The following ZNF704 variants were observed in gnomAD, a reference collection of about 807,000 sequenced individuals.
The protein encoded by ZNF704 is glucocorticoid induced gene 1.
ZNF704 carries 10 observed loss-of-function variants against 44.7 expected under a neutral mutation model. That is an observed-to-expected ratio of 0.22 (90% confidence interval 0.14 to 0.38). The LOEUF (loss-of-function observed/expected upper bound fraction) is 0.38. ZNF704 is among the 10% of genes least tolerant of loss of function. ZNF704 has a pLI of 1.00. For synonymous variants in ZNF704, 211 were observed against 207.6 expected, an observed-to-expected ratio of 1.02 and a Z score of -0.14; for missense variants, 390 against 545.5, an observed-to-expected ratio of 0.71 and a Z score of 2.84.
At chr8:80,739,142 A>G (rs1397479275) in intron 2 of ZNF704, among the ~76,000 whole-genome samples, 2 of 152,228 alleles carry the variant, frequency 1.3e-5, no homozygotes, top group Non-Finnish European at 2.9e-5. Flanking sequence ...TGTTTTCATC[A>G]TATCAAAGAT....
chr8:80,806,641 T>C (rs916446878), intron 2 of ZNF704, among the ~76,000 whole-genome samples: 2 of 152,210 alleles, frequency 1.3e-5, no homozygotes, highest in African/African-American at 4.8e-5. Context: ...CTTTTTTCCA[T>C]GAAGGCTCAC....
At chr8:80,643,516 C>CAAAAA (rs1174433192) in intron 7 of ZNF704, among the ~76,000 whole-genome samples, 3 of 23,390 alleles carry the variant, frequency 1.3e-4, no homozygotes, top group Non-Finnish European at 2.0e-4. Context: ...GATCCTGTCT[C>CAAAAA]AAAAAAAAAA....
chr8:80,700,140 A>T (rs1400142428), intron 2 of ZNF704, among the ~76,000 whole-genome samples: 3 of 149,892 alleles, frequency 2.0e-5, no homozygotes, highest in African/African-American at 7.5e-5. Context: ...TCTCTCCCCT[A>T]ATATTCATAA....
At chr8:80,813,577 A>G (rs1310330414) in intron 2 of ZNF704, among the ~76,000 whole-genome samples, 3 of 152,180 alleles carry the variant, frequency 2.0e-5, no homozygotes, top group Non-Finnish European at 4.4e-5. Context: ...TGCCTAAGCT[A>G]TAATTAAGAA....
intron 1 of ZNF704, among the ~76,000 whole-genome samples, chr8:80,822,082 T>A (rs1292332222): frequency 6.6e-6 from 1 of 152,220 alleles, no homozygotes; most frequent in African/African-American, 2.4e-5. Context: ...TTATTTCTTA[T>A]CCTTCATCCC....
At chr8:80,668,945 C>T (rs1415724620) in intron 5 of ZNF704, among the ~76,000 whole-genome samples, 2 of 152,074 alleles carry the variant, frequency 1.3e-5, no homozygotes, top group African/African-American at 4.8e-5. Flanking sequence ...CATTCCTGTA[C>T]GGTGCCTGGC....
At chr8:80,737,142 C>T (rs576430231) in intron 2 of ZNF704, among the ~76,000 whole-genome samples, 37 of 152,246 alleles carry the variant, frequency 2.4e-4, no homozygotes, top group Admixed American at 4.6e-4. Flanking sequence ...ATCTCATGTT[C>T]GTTATCTACT....
intron 2 of ZNF704, among the ~76,000 whole-genome samples, chr8:80,719,340 T>C (rs1252909931): frequency 1.3e-5 from 2 of 152,158 alleles, no homozygotes; most frequent in Non-Finnish European, 2.9e-5. Context: ...AAGTCATTAG[T>C]GACATCTTGA....
chr8:80,681,782 A>G (rs1207295714), intron 4 of ZNF704, among the ~76,000 whole-genome samples: 2 of 152,248 alleles, frequency 1.3e-5, no homozygotes, highest in African/African-American at 2.4e-5. Context: ...ATTTCTAGAC[A>G]TACTGAGTAG....
At chr8:80,779,719 T>C (rs138437321) in intron 2 of ZNF704, among the ~76,000 whole-genome samples, 1 of 152,038 alleles carries the variant, frequency 6.6e-6, no homozygotes, top group African/African-American at 2.4e-5. Flanking sequence ...ACTACTTCAC[T>C]ACTGAGCATT....
the ZNF704 span, among the ~76,000 whole-genome samples, chr8:80,881,338 G>A: frequency 6.6e-6 from 1 of 152,242 alleles, no homozygotes; most frequent in Non-Finnish European, 1.5e-5. Context: ...CCACTACAAA[G>A]AGTGAGGGAA....
chr8:80,641,523 G>A, intron 8 of ZNF704, 46 bp from the exon 9 acceptor site: 1 of 1,325,192 alleles, frequency 7.5e-7, no homozygotes, highest in East Asian at 2.4e-5. Flanking sequence ...GGAATTCAAT[G>A]GGCATTCTAT....
chr8:80,779,559 T>TA (rs1807475490), intron 2 of ZNF704, among the ~76,000 whole-genome samples: 1 of 152,146 alleles, frequency 6.6e-6, no homozygotes. Context: ...CACTAAACCT[T>TA]AAAATCAATG....
chr8:80,763,750 C>T (rs1369720407), intron 2 of ZNF704, among the ~76,000 whole-genome samples: 2 of 152,198 alleles, frequency 1.3e-5, no homozygotes, highest in Non-Finnish European at 2.9e-5. Context: ...TCTTTTCTAT[C>T]ACATTGTCAG....
rs574430444 is a variant in ZNF704, at chr8:80,798,686, G to A, written c.221+22688C>T. The stretch of plus-strand genomic sequence containing the variant: ...CTAGGCTTTGTCTAGCCTGCTCCTC[G>A]AAATTCTTCCAAGCCTCTGCTCATT... On this transcript the variant is annotated intron_variant, in intron 2 of 8. Transcript: ENST00000327835. Among the ~76,000 whole-genome samples the A allele has an allele frequency of 1.4e-4, 22 of 152,168 alleles. No homozygotes were observed. In the South Asian group the frequency reaches 3.3e-3, roughly 23 times the overall value.
chr8:80,855,159 G>A (rs1808937940), intron 1 of ZNF704, among the ~76,000 whole-genome samples: 1 of 152,088 alleles, frequency 6.6e-6, no homozygotes, highest in South Asian at 2.1e-4. Context: ...CAAAGTGTCT[G>A]GTACAAAGTA....
chr8:80,837,068 T>C (rs999475977), intron 1 of ZNF704, among the ~76,000 whole-genome samples: 10 of 152,118 alleles, frequency 6.6e-5, no homozygotes, highest in East Asian at 1.9e-4. Context: ...GCATGTTATA[T>C]GGTGGGACCT....
intron 2 of ZNF704, among the ~76,000 whole-genome samples, chr8:80,754,813 C>A (rs900055697): frequency 3.9e-5 from 6 of 152,160 alleles, no homozygotes; most frequent in African/African-American, 1.4e-4. Context: ...TCTCTGTGTT[C>A]TCTTCTTCGC....
At chr8:80,802,545 C>T (rs1379258762) in intron 2 of ZNF704, among the ~76,000 whole-genome samples, 4 of 152,134 alleles carry the variant, frequency 2.6e-5, no homozygotes, top group African/African-American at 9.7e-5. Context: ...ATACACAAAC[C>T]AATAAATGTG....
Sources: gnomAD v4.1 joint callset for allele counts (sites outside exome capture counted in the v4.1 genomes callset) on GRCh38, gnomAD v4.1.1 for gene constraint, MANE v1.5 for transcripts, NCBI Gene and HGNC (gene_info 2026-07-23, HGNC 2026-07-21) for gene names.